The following ITPR2 variants were observed in gnomAD, a reference collection of about 807,000 sequenced individuals.
The protein encoded by ITPR2 is inositol 1,4,5-trisphosphate receptor type 2, also known as inositol 1,4,5-trisphosphate-gated calcium channel ITPR2.
In ITPR2, 207 loss-of-function variants were observed where a neutral mutation model predicts 317.1. The observed-to-expected ratio is 0.65, with a 90% CI of 0.58 to 0.73. The LOEUF is 0.73. Ranked by LOEUF, ITPR2 falls within the 30% of genes least tolerant of loss-of-function variation. The pLI, the probability that ITPR2 is intolerant of heterozygous loss-of-function variation, is 0.00. For missense variants in ITPR2, 2,613 were observed against 3,284.0 expected (o/e 0.80, Z 4.99); for synonymous variants, 1,156 against 1,149.1 (o/e 1.01, Z -0.12).
intron 9 of ITPR2, among the ~76,000 whole-genome samples, chr12:26,706,861 T>C (rs751559558): frequency 6.6e-6 from 1 of 152,208 alleles, no homozygotes; most frequent in Non-Finnish European, 1.5e-5. Flanking sequence ...TCACAACACC[T>C]TCCTTGGGCT....
intron 2 of ITPR2, among the ~76,000 whole-genome samples, chr12:26,759,930 A>G (rs1333004301): frequency 2.0e-5 from 3 of 152,250 alleles, no homozygotes; most frequent in Non-Finnish European, 4.4e-5. Flanking sequence ...GGAAAATGTA[A>G]TTAGTCATCC....
At chr12:26,426,543 TA>T (rs1163754318) in intron 49 of ITPR2, among the ~76,000 whole-genome samples, 1 of 152,114 alleles carries the variant, frequency 6.6e-6, no homozygotes, top group Non-Finnish European at 1.5e-5. Context: ...TCAAGAAACT[TA>T]CAGAATAATA....
At chr12:26,514,603 T>C (rs1313876612) in intron 37 of ITPR2, among the ~76,000 whole-genome samples, 1 of 152,228 alleles carries the variant, frequency 6.6e-6, no homozygotes, top group East Asian at 1.9e-4. Context: ...CTACTATCAT[T>C]TGAAAACTGT....
At chr12:26,451,365 TCACACACA>T (rs57642539) in intron 45 of ITPR2, among the ~76,000 whole-genome samples, 76,873 of 136,272 alleles carry the variant, frequency 0.56, 25,070 homozygotes, top group Non-Finnish European at 0.74. Flanking sequence ...TTCTCTCATA[TCACACACA>T]CACACACACA....
At chr12:26,458,623 T>C (rs747359674) in intron 45 of ITPR2, among the ~76,000 whole-genome samples, 2 of 152,214 alleles carry the variant, frequency 1.3e-5, no homozygotes, top group Non-Finnish European at 2.9e-5. Flanking sequence ...CTAGAATCAA[T>C]GATACAGTTA....
intron 30 of ITPR2, 152 bp from the exon 31 acceptor site, chr12:26,597,286 A>G: frequency 1.1e-6 from 1 of 909,806 alleles, no homozygotes; most frequent in African/African-American, 1.6e-5. Context: ...GAGGGTGGTG[A>G]CAAGATTATG....
intron 26 of ITPR2, among the ~76,000 whole-genome samples, chr12:26,605,819 C>T (rs1946117047): frequency 6.6e-6 from 1 of 152,026 alleles, no homozygotes; most frequent in African/African-American, 2.4e-5. Flanking sequence ...AACAAACAAC[C>T]CCTTTTAATT....
At chr12:26,634,884 CAAAAAAAAAAA>C (rs55985706) in intron 21 of ITPR2, among the ~76,000 whole-genome samples, 2 of 58,544 alleles carry the variant, frequency 3.4e-5, no homozygotes, top group African/African-American at 1.3e-4. Context: ...GACTTCATCT[CAAAAAAAAAAA>C]AAAAAAAAAA....
chr12:26,655,993 G>A (rs1947361422), intron 19 of ITPR2, 141 bp from the exon 20 acceptor site: 1 of 825,344 alleles, frequency 1.2e-6, no homozygotes, highest in Non-Finnish European at 1.9e-6. Flanking sequence ...TCTGTAAAAT[G>A]GGGCTATTGT....
intron 2 of ITPR2, among the ~76,000 whole-genome samples, chr12:26,780,255 C>T (rs548274347): frequency 2.6e-4 from 40 of 152,308 alleles, no homozygotes; most frequent in African/African-American, 8.7e-4. Flanking sequence ...TTGGGGTGAT[C>T]GGCCAGCTCC....
intron 37 of ITPR2, among the ~76,000 whole-genome samples, chr12:26,536,596 T>C (rs980096472): frequency 6.6e-6 from 1 of 152,176 alleles, no homozygotes; most frequent in African/African-American, 2.4e-5. Flanking sequence ...GAATTAGCAA[T>C]CATGGAGTAG....
At chr12:26,414,054 C>T (rs201341734) in intron 51 of ITPR2, among the ~76,000 whole-genome samples, 12,397 of 132,804 alleles carry the variant, frequency 0.093, 1,032 homozygotes, top group East Asian at 0.35. Context: ...TATATGTACA[C>T]ACACACACAC....
intron 45 of ITPR2, among the ~76,000 whole-genome samples, chr12:26,447,720 T>A (rs1941641179): frequency 6.6e-6 from 1 of 152,080 alleles, no homozygotes; most frequent in Admixed American, 6.6e-5. Flanking sequence ...AATATCTCAA[T>A]GATTGTGAAA....
At chr12:26,356,031 T>C (rs1250188001) in intron 55 of ITPR2, among the ~76,000 whole-genome samples, 1 of 152,260 alleles carries the variant, frequency 6.6e-6, no homozygotes, top group African/African-American at 2.4e-5. Context: ...AAAATCTGAA[T>C]TGAGTACAGA....
At chr12:26,499,299 T>C (rs1224974499) in intron 37 of ITPR2, among the ~76,000 whole-genome samples, 1 of 152,226 alleles carries the variant, frequency 6.6e-6, no homozygotes, top group Non-Finnish European at 1.5e-5. Context: ...TCTTATTCAA[T>C]TATAGCCCCA....
rs1369780702 is a variant in ITPR2, at chr12:26,335,848, C to T, written c.*3549G>A. On this transcript the variant is annotated 3_prime_UTR_variant, in exon 57 of 57. Coordinates refer to ENST00000381340, the MANE Select transcript of ITPR2 (RefSeq NM_002223.4). ...GCTCCTGCAGGCATCTGTGTTTGTGCTGAAGATGTCTGTCTCCTCTGCGGT... is the reference window on the plus strand; with the variant it reads ...GCTCCTGCAGGCATCTGTGTTTGTGTTGAAGATGTCTGTCTCCTCTGCGGT... The T allele has an allele frequency of 6.6e-6, 1 of 152,202 alleles. No individual in the cohort carries two copies. The highest frequency in any genetic ancestry group is 1.5e-5 in the Non-Finnish European group (1 of 68,034). 9.4% of individuals were successfully genotyped at this position (152,202 alleles called of 1,614,324 possible). A position where few individuals can be genotyped will look rare whatever the true frequency, so the allele number is the denominator to read the frequency against.
At chr12:26,760,524 A>T (rs1336935810) in intron 2 of ITPR2, among the ~76,000 whole-genome samples, 2 of 135,646 alleles carry the variant, frequency 1.5e-5, no homozygotes. Flanking sequence ...CATAGCACCA[A>T]CAAAGAACTT....
chr12:26,775,159 A>G (rs1034506710), intron 2 of ITPR2, among the ~76,000 whole-genome samples: 3 of 152,210 alleles, frequency 2.0e-5, no homozygotes, highest in Non-Finnish European at 4.4e-5. Flanking sequence ...AACTTATACT[A>G]TCCTAATCTA....
intron 45 of ITPR2, among the ~76,000 whole-genome samples, chr12:26,463,245 T>C (rs888897646): frequency 3.3e-5 from 5 of 152,238 alleles, no homozygotes; most frequent in African/African-American, 4.8e-5. Context: ...TTAAGACTTA[T>C]AACATTGCTT....
Sources: allele counts gnomAD v4.1 joint callset (sites outside exome capture counted in the v4.1 genomes callset), GRCh38; gene constraint gnomAD v4.1.1; transcripts MANE v1.5; gene names NCBI Gene and HGNC (gene_info 2026-07-23, HGNC 2026-07-21).